WDR11: variants seen among roughly 807,000 people sequenced by gnomAD.
WDR11 encodes the protein WD repeat domain 11.
In WDR11, 83 loss-of-function variants were observed where a neutral mutation model predicts 151.2. That is an observed-to-expected ratio of 0.55 (90% CI 0.46 to 0.66). The LOEUF (loss-of-function observed/expected upper bound fraction) is 0.66. WDR11 is among the 30% of genes least tolerant of loss of function. The probability of loss-of-function intolerance (pLI) is 0.00; values close to 1 mark genes in which losing one functional copy is unlikely to be tolerated. For synonymous variants in WDR11, 484 were observed against 533.1 expected (o/e 0.91, Z 1.27); for missense variants, 1,301 against 1,480.9 (o/e 0.88, Z 1.99).
intron 28 of WDR11, 178 bp from the exon 29 acceptor site, chr10:120,908,378 G>C (rs2133822929): frequency 3.0e-6 from 2 of 665,356 alleles, no homozygotes; most frequent in East Asian, 5.5e-5. Context: ...CTATGGCCGG[G>C]AATCACCCTC....
chr10:120,869,501 G>T (rs144830238), intron 9 of WDR11, among the ~76,000 whole-genome samples: 1 of 148,794 alleles, frequency 6.7e-6, no homozygotes, highest in Non-Finnish European at 1.5e-5. Flanking sequence ...ATAAAGCTTC[G>T]TACTTGAAAA....
intron 20 of WDR11, 78 bp from the exon 21 acceptor site, chr10:120,900,958 C>A: frequency 9.3e-7 from 1 of 1,071,372 alleles, no homozygotes; most frequent in Non-Finnish European, 1.4e-6. Context: ...TCTATATTAA[C>A]ACAACTTTTT....
chr10:120,868,012 A>G (rs1331203247), intron 9 of WDR11, among the ~76,000 whole-genome samples: 1 of 152,194 alleles, frequency 6.6e-6, no homozygotes, highest in African/African-American at 2.4e-5. Context: ...ATGCCAAGCA[A>G]TTTGGACATC....
intron 16 of WDR11, among the ~76,000 whole-genome samples, 186 bp from the exon 17 acceptor site, chr10:120,888,892 A>G (rs186269635): frequency 1.8e-4 from 27 of 151,842 alleles, no homozygotes; most frequent in African/African-American, 6.0e-4. Flanking sequence ...GAAATCTCCT[A>G]TTTCTTCATA....
intron 12 of WDR11, chr10:120,879,355 G>T (rs1428051226): frequency 6.6e-6 from 1 of 151,984 alleles, no homozygotes; most frequent in Admixed American, 6.6e-5. Context: ...CCCGTCTTTA[G>T]TCCAGTGTTG....
Position 120,886,788 on chromosome 10 carries a change from C to T in WDR11, c.2073C>T (p.Leu691=). The change falls in exon 16 of 29, where the codon CTC becomes CTT. Residue 691 remains leucine, a synonymous_variant. Coordinates refer to ENST00000263461, the MANE Select transcript of WDR11 (RefSeq NM_018117.12). The stretch of plus-strand genomic sequence containing the variant: ...ATATTGATGGCCAAGTGTATCATCT[C>T]ACTGTTGAAGGAAACTCAGTAAAAG... ...FTDIDGQVYH[L]TVEGNSVKDS... 1.2e-6 allele frequency: 2 copies of T among 1,614,064 alleles called. No homozygotes were observed. The highest frequency in any genetic ancestry group is 8.5e-7 in the Non-Finnish European group (1 of 1,179,984).
intron 4 of WDR11, among the ~76,000 whole-genome samples, chr10:120,861,197 A>C (rs1846123910): frequency 6.6e-6 from 1 of 152,206 alleles, no homozygotes; most frequent in African/African-American, 2.4e-5. Context: ...GAATGACTCA[A>C]AATTGTTTTA....
chr10:120,855,237 G>C (rs539569470), intron 2 of WDR11, among the ~76,000 whole-genome samples: 1 of 152,322 alleles, frequency 6.6e-6, no homozygotes, highest in Admixed American at 6.5e-5. Flanking sequence ...CTGATAATCA[G>C]TATGGCTACT....
chr10:120,867,116 C>T lies in WDR11; in HGVS notation c.1241C>T (p.Pro414Leu), dbSNP rs888550691. The change falls in exon 9 of 29, where the codon CCT becomes CTT. Residue 414 changes from proline to leucine, a missense_variant. Around this residue, in one of 3 missense-constraint regions of WDR11, gnomAD observed 692 missense variants for 762.5 expected, o/e 0.91. Transcript: ENST00000263461. The part of the protein sequence containing the change: ...LYSPVSFCGI[P>L]VGVLQNKLPD... ...TCACCAGTGTCTTTCTGTGGAATTC[C>T]TGTAGGAGTGCTACAGAATAAACTC... is the stretch of plus-strand genomic sequence containing the variant. 21 of 1,613,758 alleles carry T rather than the reference C, an allele frequency of 1.3e-5. No individual in the cohort carries two copies. Among genetic ancestry groups the T allele is most frequent in the Non-Finnish European group, 1.6e-5 (19 of 1,179,948 alleles).
At chr10:120,886,562 C>T in intron 15 of WDR11, 127 bp from the exon 16 acceptor site, 1 of 1,204,656 alleles carries the variant, frequency 8.3e-7, no homozygotes, top group Non-Finnish European at 1.2e-6. Flanking sequence ...ATATTAGTTT[C>T]AGACTTTTAA....
chr10:120,888,724 G>A (rs181844066), intron 16 of WDR11, among the ~76,000 whole-genome samples: 2 of 152,250 alleles, frequency 1.3e-5, no homozygotes, highest in Admixed American at 6.5e-5. Context: ...CTTTTGCAGT[G>A]AGAGATAAGT....
chr10:120,890,017 C>T lies in WDR11; in HGVS notation c.2343+8C>T. 5 of 1,554,858 alleles carry T rather than the reference C, an allele frequency of 3.2e-6. No individual in the cohort carries two copies. The highest frequency in any genetic ancestry group is 4.4e-6 in the Non-Finnish European group (5 of 1,126,552). ...GTGTGGGATACTAAAGAGGTAGGCCCTCTCCATGAGGATAAAACGTAAATA... is the reference window on the plus strand; with the variant it reads ...GTGTGGGATACTAAAGAGGTAGGCCTTCTCCATGAGGATAAAACGTAAATA... On this transcript the variant is annotated splice_region_variant and intron_variant, in intron 18 of 28. Transcript: ENST00000263461.
chr10:120,873,785 A>G, intron 10 of WDR11, 54 bp from the exon 11 acceptor site: 3 of 1,245,454 alleles, frequency 2.4e-6, no homozygotes, highest in Non-Finnish European at 3.6e-6. Flanking sequence ...CTTTTCTTGC[A>G]AAGTGCTGGA....
chr10:120,895,502 G>T lies in WDR11; in HGVS notation c.2516-4527G>T, dbSNP rs537197302. ...CAGATGTAAAAGAAAAGATGACTAA[G>T]TGGAAATTAAAAAAAAAAATTCAAA... On this transcript the variant is annotated intron_variant, in intron 19 of 28. Coordinates refer to ENST00000263461, the MANE Select transcript of WDR11 (RefSeq NM_018117.12). 1.3e-4 allele frequency among the ~76,000 whole-genome samples: 19 copies of T among 151,532 alleles called. 1 individual carries two copies. Among genetic ancestry groups the T allele is most frequent in the Admixed American group, 1.2e-3 (19 of 15,228 alleles).
Position 120,878,376 on chromosome 10 carries a change from C to T in WDR11, c.1580C>T (p.Thr527Ile). ...AGGGGTATTGAATGGACAAGTTTGACTAGTTTTCTTTCTTTTGCTACCTCA... is the reference window on the plus strand; with the variant it reads ...AGGGGTATTGAATGGACAAGTTTGATTAGTTTTCTTTCTTTTGCTACCTCA... Reference protein sequence around the residue: ...EVKGIEWTSLTSFLSFATSTP... With the variant: ...EVKGIEWTSLISFLSFATSTP... The change falls in exon 12 of 29, where the codon ACT becomes ATT. Residue 527 changes from threonine (T) to isoleucine (I), a missense_variant. Coordinates refer to ENST00000263461, the MANE Select transcript of WDR11 (RefSeq NM_018117.12). The T allele has an allele frequency of 6.2e-7, 1 of 1,612,768 alleles. No homozygotes were observed. Among genetic ancestry groups the T allele is most frequent in the Non-Finnish European group, 8.5e-7 (1 of 1,179,170 alleles).
At chr10:120,904,892 T>G in intron 25 of WDR11, 81 bp downstream of exon 25, 1 of 1,504,696 alleles carries the variant, frequency 6.6e-7, no homozygotes. Context: ...AGTAGGGACA[T>G]TTCTTTCTCT....
At chr10:120,905,527 G>A in intron 26 of WDR11, 111 bp downstream of exon 26, 3 of 1,107,660 alleles carry the variant, frequency 2.7e-6, no homozygotes, top group Non-Finnish European at 4.1e-6. Context: ...AAGCTGCTTT[G>A]CAAATACTGT....
In WDR11 at chr10:120,889,890, T is replaced by G; in HGVS notation, c.2229-5T>G. The G allele has an allele frequency of 6.2e-7, 1 of 1,607,222 alleles. No individual in the cohort carries two copies. The highest frequency in any genetic ancestry group is 8.5e-7 in the Non-Finnish European group (1 of 1,173,816). ...GTATTGATGTTTTTGTTTCTTTGTC[T>G]TCAGAGGAATACCCACACACCGAAG... On this transcript the variant is annotated splice_polypyrimidine_tract_variant and splice_region_variant and intron_variant, in intron 17 of 28. Coordinates refer to ENST00000263461, the MANE Select transcript of WDR11 (RefSeq NM_018117.12).
chr10:120,879,166 G>A (rs1249789727), intron 12 of WDR11: 1 of 152,176 alleles, frequency 6.6e-6, no homozygotes, highest in African/African-American at 2.4e-5. Context: ...TAACCAATGA[G>A]AGCATGTGTA....
Sources: allele counts gnomAD v4.1 joint callset (sites outside exome capture counted in the v4.1 genomes callset), GRCh38; gene constraint gnomAD v4.1.1; regional missense constraint gnomAD v4.1.1; transcripts MANE v1.5; gene names NCBI Gene and HGNC (gene_info 2026-07-23, HGNC 2026-07-21).